Variants in TNRC6C observed in about 807,000 individuals in gnomAD.
The protein encoded by TNRC6C is trinucleotide repeat-containing gene 6C protein.
Under a neutral mutation model 153.7 loss-of-function variants are expected in TNRC6C, and 20 were observed. That is an observed-to-expected ratio of 0.13 (90% CI 0.09 to 0.19). The LOEUF (loss-of-function observed/expected upper bound fraction) is 0.19, where lower values mean the gene tolerates loss of function less well. Ranked by LOEUF, TNRC6C falls within the 10% of genes least tolerant of loss-of-function variation. TNRC6C has a pLI of 1.00. For missense variants in TNRC6C, 1,987 were observed against 2,172.0 expected (o/e 0.91, Z 1.69); for synonymous variants, 811 against 841.4 (o/e 0.96, Z 0.63).
intron 1 of TNRC6C, among the ~76,000 whole-genome samples, chr17:78,025,192 A>T (rs9899210): frequency 0.095 from 14,534 of 152,196 alleles, 1,878 homozygotes; most frequent in African/African-American, 0.3. Context: ...TATCTGTCAT[A>T]GCAGTTTCCC....
intron 1 of TNRC6C, among the ~76,000 whole-genome samples, chr17:77,980,687 C>G (rs570627756): frequency 4.6e-5 from 7 of 152,330 alleles, no homozygotes; most frequent in African/African-American, 1.4e-4. Context: ...AAGTCTGGGC[C>G]TCCAGAACTT....
Position 78,079,449 on chromosome 17 carries a change from A to G in TNRC6C, c.3265A>G (p.Thr1089Ala). The G allele has an allele frequency of 1.9e-6, 3 of 1,613,912 alleles. No individual in the cohort carries two copies. Among genetic ancestry groups the G allele is most frequent in the Non-Finnish European group, 2.5e-6 (3 of 1,179,868 alleles). ...CAATAGTGGAGCAGCACAAGCCAGG[A>G]CCATGCAGCAGCCGCCACAGCCACC... Residue 1089 changes from threonine to alanine, a missense_variant, in exon 10 of 20, where the codon ACC (threonine) becomes GCC (alanine). Around this residue, in one of 4 missense-constraint regions of TNRC6C, gnomAD observed 765 missense variants for 908.6 expected, o/e 0.84. Transcript: ENST00000301624. The surrounding 1 kb of genome is among the most constrained non-coding windows in gnomAD (Gnocchi z 4.3).
exon 3 of TNRC6C, chr17:78,051,210 G>A (rs768647250): frequency 2.7e-5 from 43 of 1,568,926 alleles, no homozygotes; most frequent in East Asian, 1.2e-4. Context: ...CCTCTCCACC[G>A]TCCATTCGCC....
chr17:78,101,712 A>G (rs1245712204), intron 17 of TNRC6C, among the ~76,000 whole-genome samples: 1 of 151,834 alleles, frequency 6.6e-6, no homozygotes, highest in Non-Finnish European at 1.5e-5. Context: ...AGATAAAGGG[A>G]TGGGTTTGGC....
At chr17:78,027,812 T>C (rs1303452474) in intron 1 of TNRC6C, among the ~76,000 whole-genome samples, 1 of 151,896 alleles carries the variant, frequency 6.6e-6, no homozygotes, top group African/African-American at 2.4e-5. Context: ...TTTGAGTTGA[T>C]GGAATACAGT....
chr17:78,048,556 A>C (rs1039340573), intron 2 of TNRC6C, among the ~76,000 whole-genome samples: 8 of 152,266 alleles, frequency 5.3e-5, no homozygotes, highest in African/African-American at 1.9e-4. Context: ...CCTTTACTAC[A>C]GATGCTTTCA....
chr17:78,077,621 C>A, intron 9 of TNRC6C: 1 of 454,780 alleles, frequency 2.2e-6, no homozygotes. Context: ...TGATGTGTTG[C>A]ACAGTGGTCT....
chr17:78,087,082 C>G (rs769773145), exon 13 of TNRC6C: 3 of 1,613,568 alleles, frequency 1.9e-6, no homozygotes, highest in Non-Finnish European at 8.5e-7. Context: ...ACCTTTGCTC[C>G]TTACCCTCTC....
chr17:78,001,595 C>T (rs1346825855), upstream of TNRC6C, among the ~76,000 whole-genome samples: 1 of 152,190 alleles, frequency 6.6e-6, no homozygotes, highest in Non-Finnish European at 1.5e-5. Context: ...GGGAGATCCT[C>T]CTTCCCTGCA....
intron 5 of TNRC6C, among the ~76,000 whole-genome samples, chr17:78,069,778 G>A (rs1423311268): frequency 1.3e-5 from 2 of 152,164 alleles, no homozygotes; most frequent in African/African-American, 4.8e-5. Flanking sequence ...AAAGCAAGGT[G>A]CAGAAAAACA....
chr17:78,029,808 GACACACACACACACAC>G (rs57924935), intron 1 of TNRC6C, among the ~76,000 whole-genome samples: 1 of 146,258 alleles, frequency 6.8e-6, no homozygotes, highest in East Asian at 2.0e-4. Flanking sequence ...TAAAAACCTA[GACACACACACACACAC>G]ACACACACAC....
intron 2 of TNRC6C, among the ~76,000 whole-genome samples, chr17:78,045,933 A>G (rs1162017802): frequency 6.6e-6 from 1 of 151,852 alleles, no homozygotes; most frequent in African/African-American, 2.4e-5. Context: ...TAAAAATGTT[A>G]TAGGTATCAT....
intron 1 of TNRC6C, among the ~76,000 whole-genome samples, chr17:78,013,038 G>C (rs1468368081): frequency 6.6e-6 from 1 of 152,180 alleles, no homozygotes; most frequent in Non-Finnish European, 1.5e-5. Context: ...ACAAGGAGGG[G>C]TTGCCTTATC....
chr17:78,038,091 A>C (rs2072216294), intron 2 of TNRC6C, among the ~76,000 whole-genome samples: 2 of 152,224 alleles, frequency 1.3e-5, no homozygotes, highest in African/African-American at 4.8e-5. Context: ...AGAACTACAG[A>C]AAGATGACGT....
chr17:77,996,002 G>C (rs1009027082), intron 1 of TNRC6C, among the ~76,000 whole-genome samples: 15 of 152,162 alleles, frequency 9.9e-5, no homozygotes, highest in African/African-American at 3.4e-4. Context: ...GAGCCCAGGA[G>C]TTCGAGGCTG....
chr17:77,998,308 T>G (rs1335945769), intron 1 of TNRC6C, among the ~76,000 whole-genome samples: 2 of 152,234 alleles, frequency 1.3e-5, no homozygotes, highest in African/African-American at 4.8e-5. Flanking sequence ...TATCCAAGTA[T>G]AGTTTTCTTT....
At chr17:78,006,831 T>TA (rs200140495) in intron 1 of TNRC6C, among the ~76,000 whole-genome samples, 5,890 of 136,664 alleles carry the variant, frequency 0.043, 124 homozygotes, top group African/African-American at 0.066. Flanking sequence ...TTTATTTATT[T>TA]TTTTTTTTTT....
At chr17:78,082,440 A>G (rs1230064839) in intron 10 of TNRC6C, among the ~76,000 whole-genome samples, 1 of 152,178 alleles carries the variant, frequency 6.6e-6, no homozygotes, top group African/African-American at 2.4e-5. Context: ...TAAAACAGAA[A>G]CACAGTCTGT....
chr17:78,026,157 T>A (rs1229579218), intron 1 of TNRC6C, among the ~76,000 whole-genome samples: 3 of 152,248 alleles, frequency 2.0e-5, no homozygotes, highest in African/African-American at 7.2e-5. Context: ...AAACTTTATA[T>A]GTTTGAGAAA....
Sources: gnomAD v4.1 joint callset for allele counts (sites outside exome capture counted in the v4.1 genomes callset) on GRCh38, gnomAD v4.1.1 for gene constraint, gnomAD v4.1.1 regional missense constraint, Gnocchi (gnomAD v3.1) non-coding constraint, MANE v1.5 for transcripts, NCBI Gene and HGNC (gene_info 2026-07-23, HGNC 2026-07-21) for gene names.